The following ANO3 variants were observed in gnomAD, a reference collection of about 807,000 sequenced individuals.
ANO3 encodes anoctamin-3.
In ANO3, 99 loss-of-function variants were observed where a neutral mutation model predicts 144.8. That is an observed-to-expected ratio of 0.68 (90% CI 0.58 to 0.81). The LOEUF is 0.81. Among genes scored for constraint, ANO3 ranks in the 30% least tolerant of loss-of-function variants. The probability of loss-of-function intolerance (pLI) is 0.00; values close to 1 mark genes in which losing one functional copy is unlikely to be tolerated. For synonymous variants in ANO3, 414 were observed against 392.6 expected (o/e 1.05, Z -0.64); for missense variants, 905 against 1,202.2 (o/e 0.75, Z 3.66).
intron 1 of ANO3, among the ~76,000 whole-genome samples, chr11:26,296,112 A>G (rs1247287204): frequency 6.6e-6 from 1 of 152,240 alleles, no homozygotes; most frequent in African/African-American, 2.4e-5. Context: ...TATTCTCAGT[A>G]GTAAATTGGC....
Position 26,641,771 on chromosome 11 carries a change from T to C in ANO3, c.2142-125T>C, listed in dbSNP as rs571855606. On this transcript the variant is annotated intron_variant, in intron 21 of 26. Transcript: ENST00000256737. ...TTTTTTAAAAAACTTTTATAAAAGG[T>C]AAAACCAAATACCTCCAATTCCGAG... The C allele has an allele frequency of 3.9e-3, 4,229 of 1,082,502 alleles. 23 individuals carry two copies. The highest frequency in any genetic ancestry group is 4.9e-3 in the Non-Finnish European group (3,913 of 804,892). The allele number at this position is 1,082,502 out of a possible 1,614,324, so 67.1% of individuals were successfully genotyped here.
intron 1 of ANO3, among the ~76,000 whole-genome samples, chr11:26,232,351 G>C (rs1358698289): frequency 2.0e-5 from 3 of 152,064 alleles, no homozygotes; most frequent in Non-Finnish European, 4.4e-5. Context: ...GACTGATAAT[G>C]AAGCTAAAAG....
chr11:26,345,373 G>A (rs1044433285), intron 1 of ANO3, among the ~76,000 whole-genome samples: 20 of 152,120 alleles, frequency 1.3e-4, no homozygotes, highest in Non-Finnish European at 2.4e-4. Context: ...TGGCCAACAT[G>A]GTGAAACACC....
intron 18 of ANO3, among the ~76,000 whole-genome samples, chr11:26,632,903 G>C (rs1852832100): frequency 6.6e-6 from 1 of 152,152 alleles, no homozygotes; most frequent in Non-Finnish European, 1.5e-5. Context: ...GTAAACTAGA[G>C]AGAAACAACA....
At chr11:26,604,179 C>T (rs369988439) in intron 17 of ANO3, among the ~76,000 whole-genome samples, 1 of 152,102 alleles carries the variant, frequency 6.6e-6, no homozygotes, top group Non-Finnish European at 1.5e-5. Context: ...ATCCTCTCCC[C>T]ATTGCTTGTT....
At position 26,557,266 on chromosome 11, in the gene ANO3, C is replaced by T. The variant is rs151216267; in HGVS notation, c.1387-2453C>T. ...CACGAGCTCAGGAGATCGAGACCAT[C>T]CTGGCTAAGACAGTGAAACCCTGTC... On this transcript the variant is annotated intron_variant, in intron 13 of 26. Coordinates refer to ENST00000256737, the MANE Select transcript of ANO3 (RefSeq NM_031418.4). Among the ~76,000 whole-genome samples the T allele has an allele frequency of 2.6e-5, 4 of 152,066 alleles. 1 individual carries two copies. The South Asian group carries it at 6.2e-4, about 24-fold the overall frequency.
At chr11:26,463,896 C>T (rs887622331) in intron 4 of ANO3, among the ~76,000 whole-genome samples, 6 of 151,024 alleles carry the variant, frequency 4.0e-5, no homozygotes, top group African/African-American at 1.5e-4. Flanking sequence ...AGGATAAGCT[C>T]ACTTTTTTTT....
rs1361500107 is a variant in ANO3 at position 26,529,110 on chromosome 11, TTA to T, written c.738-2094_738-2093del. 7.8e-3 allele frequency among the ~76,000 whole-genome samples: 21 copies of T among 2,690 alleles called. 2 individuals are homozygous for T. The highest frequency in any genetic ancestry group is 0.061 in the Non-Finnish European group (12 of 198). The allele number at this position is 2,690 out of a possible 152,430, so 1.8% of individuals were successfully genotyped here. On this transcript the variant is annotated intron_variant, in intron 7 of 26. Coordinates refer to ENST00000256737, the MANE Select transcript of ANO3 (RefSeq NM_031418.4). ...TATAATTTCTATATTATATATATTA[TTA>T]ATAATATATATTATATATAATATAT...
chr11:26,647,248 C>T (rs779133553), intron 23 of ANO3, among the ~76,000 whole-genome samples: 1 of 152,218 alleles, frequency 6.6e-6, no homozygotes, highest in South Asian at 2.1e-4. Flanking sequence ...TTCTTACCAC[C>T]AGACTAGTTT....
chr11:26,332,092 G>A (rs1392416226), upstream of ANO3: 3 of 1,463,362 alleles, frequency 2.1e-6, no homozygotes, highest in Admixed American at 4.9e-5. Context: ...CCGCCCTCCC[G>A]CGTTCCCATG....
At chr11:26,307,222 C>T (rs1854404026), upstream of ANO3, among the ~76,000 whole-genome samples, 1 of 151,780 alleles carries the variant, frequency 6.6e-6, no homozygotes, top group African/African-American at 2.4e-5. Flanking sequence ...GTCGTGGTGG[C>T]ACATATCTCT....
At chr11:26,241,377 G>T (rs953243033) in intron 1 of ANO3, among the ~76,000 whole-genome samples, 1 of 152,116 alleles carries the variant, frequency 6.6e-6, no homozygotes, top group African/African-American at 2.4e-5. Flanking sequence ...AGAGGAATAG[G>T]ACCTAAAAAC....
intron 5 of ANO3, among the ~76,000 whole-genome samples, chr11:26,514,198 A>G (rs1413286105): frequency 1.3e-5 from 2 of 152,064 alleles, no homozygotes; most frequent in Non-Finnish European, 2.9e-5. Context: ...TCATAGGTTA[A>G]TGCTGCCTTT....
At chr11:26,590,471 T>A (rs1317725851) in intron 14 of ANO3, among the ~76,000 whole-genome samples, 2 of 152,134 alleles carry the variant, frequency 1.3e-5, no homozygotes, top group Non-Finnish European at 2.9e-5. Flanking sequence ...CCCAAGATGG[T>A]GGCAGGCCAC....
intron 1 of ANO3, among the ~76,000 whole-genome samples, chr11:26,419,559 C>A (rs1286477212): frequency 2.6e-5 from 4 of 152,006 alleles, no homozygotes; most frequent in African/African-American, 4.8e-5. Flanking sequence ...CATTTGGATA[C>A]TGTCTATGTA....
intron 1 of ANO3, among the ~76,000 whole-genome samples, chr11:26,293,343 C>A (rs1841701939): frequency 6.6e-6 from 1 of 151,254 alleles, no homozygotes; most frequent in African/African-American, 2.4e-5. Flanking sequence ...TAATATTTTT[C>A]TGAAATTCTT....
intron 17 of ANO3, among the ~76,000 whole-genome samples, chr11:26,620,188 C>G (rs1006067041): frequency 6.6e-6 from 1 of 152,026 alleles, no homozygotes; most frequent in African/African-American, 2.4e-5. Context: ...AGGAAATGTT[C>G]CTAAAAATAT....
At chr11:26,581,448 G>A (rs1175824955) in intron 14 of ANO3, among the ~76,000 whole-genome samples, 1 of 151,876 alleles carries the variant, frequency 6.6e-6, no homozygotes, top group African/African-American at 2.4e-5. Context: ...TAGCACTTTG[G>A]GAGGCCAAGG....
intron 1 of ANO3, among the ~76,000 whole-genome samples, chr11:26,333,472 CG>C (rs1855112672): frequency 6.6e-6 from 1 of 151,884 alleles, no homozygotes; most frequent in Admixed American, 6.6e-5. Flanking sequence ...TTAGTAGAGA[CG>C]GGGTTTCACC....
Sources: gnomAD v4.1 joint callset for allele counts (sites outside exome capture counted in the v4.1 genomes callset) on GRCh38, gnomAD v4.1.1 for gene constraint, MANE v1.5 for transcripts, NCBI Gene and HGNC (gene_info 2026-07-23, HGNC 2026-07-21) for gene names.